ARMH4: variants seen among roughly 807,000 people sequenced by gnomAD.
The protein encoded by ARMH4 is armadillo like helical domain containing 4.
A neutral mutation model predicts 61.9 loss-of-function variants in ARMH4; 49 were observed. The ratio of observed to expected loss-of-function variants is 0.79; its 90% CI spans 0.63 to 1.00. ARMH4 has a LOEUF of 1.00. ARMH4 is among the 50% of genes least tolerant of loss of function. ARMH4 has a pLI of 0.00. For synonymous variants in ARMH4, 368 were observed against 341.5 expected (o/e 1.08, Z -0.85); for missense variants, 934 against 930.0 (o/e 1.00, Z -0.06).
chr14:58,123,383 C>T lies in ARMH4; in HGVS notation c.1831+8129G>A, dbSNP rs527243636. On this transcript the variant is annotated intron_variant, in intron 4 of 7. Transcript: ENST00000267485. ...CCTTTCCCTACCAAAGGCAGTACCCCCTTAGACCCAAGGCTCAACAAGGAC... is the reference window on the plus strand; with the variant it reads ...CCTTTCCCTACCAAAGGCAGTACCCTCTTAGACCCAAGGCTCAACAAGGAC... 2.6e-5 allele frequency among the ~76,000 whole-genome samples: 4 copies of T among 152,208 alleles called. No homozygotes were observed. The East Asian group carries it at 7.7e-4, about 29-fold the overall frequency.
intron 5 of ARMH4, among the ~76,000 whole-genome samples, chr14:58,021,534 C>A (rs894900216): frequency 6.6e-6 from 1 of 152,166 alleles, no homozygotes; most frequent in African/African-American, 2.4e-5. Flanking sequence ...TGGACTAATA[C>A]AAAATGTTAA....
chr14:58,137,323 G>C (rs1254249997), intron 2 of ARMH4, among the ~76,000 whole-genome samples: 1 of 152,102 alleles, frequency 6.6e-6, no homozygotes, highest in South Asian at 2.1e-4. Flanking sequence ...TGGGGGAAGG[G>C]GAAAGCAAAA....
chr14:58,024,895 C>T (rs1373084113), intron 5 of ARMH4, among the ~76,000 whole-genome samples: 3 of 152,138 alleles, frequency 2.0e-5, no homozygotes, highest in Non-Finnish European at 4.4e-5. Flanking sequence ...ATGTCACCAT[C>T]TCATATGGAT....
intron 4 of ARMH4, among the ~76,000 whole-genome samples, chr14:58,115,547 T>C (rs1181383350): frequency 1.3e-5 from 2 of 152,182 alleles, no homozygotes; most frequent in Admixed American, 6.6e-5. Flanking sequence ...AGAACTACCA[T>C]TTGATTCAGC....
chr14:58,097,853 G>A (rs1885810825), intron 4 of ARMH4, among the ~76,000 whole-genome samples: 2 of 152,076 alleles, frequency 1.3e-5, no homozygotes, highest in South Asian at 2.1e-4. Flanking sequence ...TTATAGGCGT[G>A]AGCCATGGCA....
chr14:58,141,149 C>T lies in ARMH4; in HGVS notation c.-56-1735G>A, dbSNP rs188170693. On this transcript the variant is annotated intron_variant, in intron 1 of 7. Transcript: ENST00000267485. ...ACTAAGAAAAATGGGTTTGAAAACC[C>T]TAAATATCATCATTAAATGCTGAAT... The T allele has an allele frequency of 2.8e-3, 634 of 230,382 alleles. 2 individuals carry two copies. Among genetic ancestry groups the T allele is most frequent in the Non-Finnish European group, 3.9e-3 (460 of 116,740 alleles). The allele number at this position is 230,382 out of a possible 1,614,324, so 14.3% of individuals were successfully genotyped here. A position where few individuals can be genotyped will look rare whatever the true frequency, so the allele number is the denominator to read the frequency against.
Position 58,063,013 on chromosome 14 carries a change from T to G in ARMH4, c.2089+33711A>C, listed in dbSNP as rs1221925647. On this transcript the variant is annotated intron_variant, in intron 5 of 7. Coordinates refer to ENST00000267485, the MANE Select transcript of ARMH4 (RefSeq NM_001001872.4). Reference sequence around the variant, plus strand: ...ACAATGGAAATTTATTCCTCAGTTCTGAAGAATACAAGCCCCAAATCAAGG... The same window carrying G: ...ACAATGGAAATTTATTCCTCAGTTCGGAAGAATACAAGCCCCAAATCAAGG... 3.3e-5 allele frequency among the ~76,000 whole-genome samples: 5 copies of G among 152,216 alleles called. No individual in the cohort carries two copies. In the South Asian group the frequency reaches 1.0e-3, roughly 31 times the overall value.
intron 5 of ARMH4, among the ~76,000 whole-genome samples, chr14:58,019,910 G>T (rs1594694647): frequency 6.6e-6 from 1 of 152,142 alleles, no homozygotes. Context: ...ATTTAGAGGA[G>T]TATGTTTAAT....
At chr14:58,080,837 C>T (rs1483874552) in intron 5 of ARMH4, among the ~76,000 whole-genome samples, 2 of 152,236 alleles carry the variant, frequency 1.3e-5, no homozygotes, top group Admixed American at 6.5e-5. Context: ...CATAGTGGCT[C>T]ACACCTGTAA....
intron 5 of ARMH4, among the ~76,000 whole-genome samples, chr14:58,035,966 G>C (rs1157069697): frequency 1.5e-5 from 2 of 129,954 alleles, no homozygotes; most frequent in East Asian, 4.1e-4. Flanking sequence ...AATTCTACCA[G>C]AGGTACAAGG....
intron 4 of ARMH4, among the ~76,000 whole-genome samples, chr14:58,118,721 A>T (rs1256622065): frequency 6.6e-6 from 1 of 152,214 alleles, no homozygotes; most frequent in African/African-American, 2.4e-5. Context: ...AATTTGTACC[A>T]GACGAACCTA....
chr14:58,120,058 T>C (rs1177131226), intron 4 of ARMH4, among the ~76,000 whole-genome samples: 2 of 152,168 alleles, frequency 1.3e-5, no homozygotes, highest in African/African-American at 4.8e-5. Flanking sequence ...TCATAGAGTG[T>C]ACATACACAA....
intron 5 of ARMH4, among the ~76,000 whole-genome samples, chr14:58,018,768 T>C (rs1594693643): frequency 1.3e-5 from 2 of 152,260 alleles, no homozygotes; most frequent in South Asian, 4.1e-4. Context: ...ATCCCACTAC[T>C]GGGTACATAT....
chr14:58,007,368 T>A (rs542437804), intron 6 of ARMH4, among the ~76,000 whole-genome samples: 2 of 152,354 alleles, frequency 1.3e-5, no homozygotes, highest in South Asian at 4.1e-4. Flanking sequence ...AATTGACATA[T>A]AAAACTGTAC....
intron 4 of ARMH4, among the ~76,000 whole-genome samples, chr14:58,102,724 T>C (rs1301486603): frequency 7.2e-6 from 1 of 139,240 alleles, no homozygotes; most frequent in Non-Finnish European, 1.5e-5. Flanking sequence ...GGCAGGAGAA[T>C]GGCGTGAACC....
chr14:58,134,852 G>C (rs1887252529), intron 2 of ARMH4, among the ~76,000 whole-genome samples: 2 of 151,360 alleles, frequency 1.3e-5, no homozygotes, highest in Admixed American at 6.6e-5. Context: ...AGCCACCCGG[G>C]AGGATGAGGC....
At position 58,061,525 on chromosome 14, in the gene ARMH4, A is replaced by G. The variant is rs77468394; in HGVS notation, c.2089+35199T>C. 7.1e-3 allele frequency among the ~76,000 whole-genome samples: 1,075 copies of G among 152,304 alleles called. 13 individuals carry two copies. Among genetic ancestry groups the G allele is most frequent in the African/African-American group, 0.025 (1,035 of 41,556 alleles). ...TTCTGCTTTCCCTGCTATCCTCTCC[A>G]AAGCCAGAATCTGGTTAATCGCTTT... is the stretch of plus-strand genomic sequence containing the variant. On this transcript the variant is annotated intron_variant, in intron 5 of 7. Transcript: ENST00000267485.
intron 6 of ARMH4, among the ~76,000 whole-genome samples, chr14:58,009,855 C>A (rs1338759363): frequency 6.9e-6 from 1 of 144,244 alleles, no homozygotes; most frequent in Non-Finnish European, 1.5e-5. Flanking sequence ...TAACAAACTT[C>A]TATCTTGGCT....
intron 5 of ARMH4, among the ~76,000 whole-genome samples, chr14:58,083,220 T>C (rs1215942238): frequency 6.6e-6 from 1 of 152,222 alleles, no homozygotes; most frequent in Admixed American, 6.5e-5. Flanking sequence ...TCAACTTTTT[T>C]CATTAGCAAG....
Sources: gnomAD v4.1 joint callset for allele counts (sites outside exome capture counted in the v4.1 genomes callset) on GRCh38, gnomAD v4.1.1 for gene constraint, MANE v1.5 for transcripts, NCBI Gene and HGNC (gene_info 2026-07-23, HGNC 2026-07-21) for gene names.